CHN1: variants seen among roughly 807,000 people sequenced by gnomAD.
The protein encoded by CHN1 is N-chimaerin.
In CHN1, 37 loss-of-function variants were observed where a neutral mutation model predicts 59.5. The observed-to-expected ratio is 0.62, with a 90% CI of 0.48 to 0.82. The LOEUF is 0.82. Among genes scored for constraint, CHN1 ranks in the 40% least tolerant of loss-of-function variants. CHN1 has a pLI of 0.00. For synonymous variants in CHN1, 206 were observed against 200.4 expected (o/e 1.03, Z -0.24); for missense variants, 469 against 571.0 (o/e 0.82, Z 1.82).
At chr2:174,862,049 T>C (rs892888689) in intron 6 of CHN1, among the ~76,000 whole-genome samples, 2 of 152,276 alleles carry the variant, frequency 1.3e-5, no homozygotes, top group Admixed American at 1.3e-4. Context: ...CTCAAACCCA[T>C]AACTTGCTAT....
chr2:174,984,667 G>A (rs954632755), intron 1 of CHN1, among the ~76,000 whole-genome samples: 4 of 151,022 alleles, frequency 2.6e-5, no homozygotes, highest in Admixed American at 2.6e-4. Context: ...GTGCCTGGCT[G>A]TGTTTTATTA....
At chr2:174,823,917 T>C (rs1033380057) in intron 8 of CHN1, among the ~76,000 whole-genome samples, 2 of 152,212 alleles carry the variant, frequency 1.3e-5, no homozygotes, top group African/African-American at 4.8e-5. Context: ...AAAATATTAG[T>C]GACTAAGTGG....
chr2:175,000,573 A>C (rs983242075), intron 1 of CHN1, among the ~76,000 whole-genome samples: 1 of 152,034 alleles, frequency 6.6e-6, no homozygotes, highest in African/African-American at 2.4e-5. Flanking sequence ...CCTCCCAAGT[A>C]GCTGGGACTA....
chr2:174,931,385 T>G (rs1689344218), intron 3 of CHN1, among the ~76,000 whole-genome samples: 2 of 152,210 alleles, frequency 1.3e-5, no homozygotes, highest in Non-Finnish European at 2.9e-5. Context: ...TAATTTCAAT[T>G]AGAGTGTTTT....
At chr2:174,846,818 T>TTTAA in intron 7 of CHN1, 62 bp downstream of exon 7, 1 of 1,386,140 alleles carries the variant, frequency 7.2e-7, no homozygotes, top group Non-Finnish European at 9.7e-7. Context: ...AAGATATTCC[T>TTTAA]TTAATATTAT....
At chr2:174,873,446 C>T (rs539922828) in intron 6 of CHN1, among the ~76,000 whole-genome samples, 4 of 152,264 alleles carry the variant, frequency 2.6e-5, no homozygotes, top group East Asian at 1.9e-4. Context: ...TACCTTTATT[C>T]GTGATTAAGT....
intron 5 of CHN1, among the ~76,000 whole-genome samples, chr2:174,898,612 A>G (rs534015656): frequency 2.2e-4 from 33 of 152,290 alleles, no homozygotes; most frequent in African/African-American, 7.7e-4. Flanking sequence ...TCAAAAAAAC[A>G]AAGAAATTGT....
At chr2:174,869,986 A>G (rs1687353637) in intron 6 of CHN1, among the ~76,000 whole-genome samples, 1 of 152,220 alleles carries the variant, frequency 6.6e-6, no homozygotes, top group African/African-American at 2.4e-5. Context: ...TTCACTAAAC[A>G]CTGTTAGTAA....
At chr2:174,881,172 C>T (rs2105336853) in intron 5 of CHN1, among the ~76,000 whole-genome samples, 1 of 152,160 alleles carries the variant, frequency 6.6e-6, no homozygotes, top group African/African-American at 2.4e-5. Context: ...CCAGTATCTC[C>T]CTCATACCAT....
intron 5 of CHN1, among the ~76,000 whole-genome samples, chr2:174,914,477 G>A (rs1005074190): frequency 6.6e-6 from 1 of 152,112 alleles, no homozygotes; most frequent in African/African-American, 2.4e-5. Flanking sequence ...AGAAATTGAC[G>A]GAAGCCGACA....
At chr2:174,860,833 C>T (rs1020972816) in intron 6 of CHN1, among the ~76,000 whole-genome samples, 1 of 152,070 alleles carries the variant, frequency 6.6e-6, no homozygotes, top group South Asian at 2.1e-4. Flanking sequence ...TCACAGATGA[C>T]TTCTACACCT....
intron 2 of CHN1, among the ~76,000 whole-genome samples, chr2:174,945,502 A>G (rs1689800867): frequency 6.6e-6 from 1 of 152,202 alleles, no homozygotes; most frequent in African/African-American, 2.4e-5. Flanking sequence ...AGATATTCAA[A>G]TAACTTGCCA....
At chr2:174,933,181 T>C (rs969357152) in intron 3 of CHN1, among the ~76,000 whole-genome samples, 7 of 152,124 alleles carry the variant, frequency 4.6e-5, no homozygotes, top group Non-Finnish European at 1.0e-4. Context: ...TATATATGTG[T>C]GTATATATAT....
intron 1 of CHN1, among the ~76,000 whole-genome samples, chr2:174,995,828 G>A (rs1691689577): frequency 6.6e-6 from 1 of 152,172 alleles, no homozygotes; most frequent in African/African-American, 2.4e-5. Context: ...CACTTAAAGT[G>A]CTTGTAAGTC....
intron 1 of CHN1, among the ~76,000 whole-genome samples, chr2:174,965,089 TAGG>T (rs1415831712): frequency 6.6e-6 from 1 of 152,092 alleles, no homozygotes; most frequent in East Asian, 1.9e-4. Flanking sequence ...TATAGTTACT[TAGG>T]AGATACTCAA....
intron 3 of CHN1, among the ~76,000 whole-genome samples, chr2:174,932,014 G>C (rs1205695568): frequency 6.6e-6 from 1 of 152,158 alleles, no homozygotes; most frequent in Admixed American, 6.5e-5. Flanking sequence ...CTGAGTGACA[G>C]GGAAAGCCAA....
chr2:174,825,229 T>C (rs1306411545), intron 7 of CHN1, among the ~76,000 whole-genome samples: 1 of 152,208 alleles, frequency 6.6e-6, no homozygotes, highest in African/African-American at 2.4e-5. Context: ...GCAGATAATT[T>C]ACCTTCTGTG....
At chr2:174,830,412 T>C (rs1235719960) in intron 7 of CHN1, among the ~76,000 whole-genome samples, 2 of 152,210 alleles carry the variant, frequency 1.3e-5, no homozygotes, top group African/African-American at 4.8e-5. Flanking sequence ...GTATCTTTAG[T>C]ATCAAGGCAA....
At chr2:174,882,329 G>T (rs1426164983) in intron 5 of CHN1, among the ~76,000 whole-genome samples, 1 of 152,110 alleles carries the variant, frequency 6.6e-6, no homozygotes, top group Non-Finnish European at 1.5e-5. Flanking sequence ...GTTTAATGCT[G>T]TGCCCAGATG....
Sources: gnomAD v4.1 joint callset for allele counts (sites outside exome capture counted in the v4.1 genomes callset) on GRCh38, gnomAD v4.1.1 for gene constraint, MANE v1.5 for transcripts, NCBI Gene and HGNC (gene_info 2026-07-23, HGNC 2026-07-21) for gene names.